The following PARP12 variants were observed in gnomAD, a reference collection of about 807,000 sequenced individuals.
PARP12 encodes the protein poly(ADP-ribose) polymerase family member 12.
A neutral mutation model predicts 72.4 loss-of-function variants in PARP12; 59 were observed. The observed-to-expected ratio is 0.81, with a 90% CI of 0.66 to 1.01. The LOEUF is 1.01. Among genes scored for constraint, PARP12 ranks in the 50% least tolerant of loss-of-function variants. The pLI is 0.00. For synonymous variants in PARP12, 403 were observed against 371.4 expected, an observed-to-expected ratio of 1.09 and a Z score of -0.98; for missense variants, 851 against 914.0, an observed-to-expected ratio of 0.93 and a Z score of 0.89.
In PARP12 at chr7:140,033,159, T is replaced by C. The variant is rs969260242; in HGVS notation, c.1421+1076A>G. The C allele has an allele frequency of 2.5e-5, 25 of 982,592 alleles. No individual in the cohort carries two copies. In the Admixed American group the frequency reaches 4.3e-4, roughly 17 times the overall value. 60.9% of individuals were successfully genotyped at this position (982,592 alleles called of 1,614,324 possible). ...CTACCCGCCTCGGCCTCTTGAACTG[T>C]TGGGATTACAGGTGTGAGTCACTGC... On this transcript the variant is annotated intron_variant, in intron 8 of 11. Transcript: ENST00000263549.
At chr7:140,054,505 CA>C (rs1817101747) in intron 4 of PARP12, among the ~76,000 whole-genome samples, 156 bp downstream of exon 4, 4 of 152,338 alleles carry the variant, frequency 2.6e-5, no homozygotes, top group Admixed American at 1.3e-4. Context: ...AACTCCCCAA[CA>C]AAATACCTTC....
intron 8 of PARP12, 122 bp downstream of exon 8, chr7:140,034,113 G>A: frequency 2.8e-6 from 4 of 1,404,934 alleles, no homozygotes; most frequent in Non-Finnish European, 9.4e-7. Flanking sequence ...CAGAGTGTGG[G>A]AGCACTTCGT....
intron 7 of PARP12, among the ~76,000 whole-genome samples, chr7:140,037,050 C>T (rs914095752): frequency 8.5e-5 from 13 of 152,298 alleles, no homozygotes; most frequent in African/African-American, 2.4e-4. Flanking sequence ...AGGCCAGGCG[C>T]GGTGGCTCAT....
At position 140,057,108 on chromosome 7, in the gene PARP12, C is replaced by T; in HGVS notation, c.508G>A (p.Ala170Thr). Reference sequence around the variant, plus strand: ...AGCTTGATGCACTGCTTTTGAAAGGCACAAGAGCCGTGGGGTCCATCTCCT... The same window carrying T: ...AGCTTGATGCACTGCTTTTGAAAGGTACAAGAGCCGTGGGGTCCATCTCCT... ...NKGDGPHGSC[A>T]FQKQCIKLHI... The change falls in exon 3 of 12, where the codon GCC (alanine) becomes ACC (threonine). Residue 170 changes from alanine to threonine, a missense_variant. Coordinates refer to ENST00000263549, the MANE Select transcript of PARP12 (RefSeq NM_022750.4). 6.2e-7 allele frequency: 1 copy of T among 1,614,098 alleles called. No homozygotes were observed. The highest frequency in any genetic ancestry group is 8.5e-7 in the Non-Finnish European group (1 of 1,180,016).
chr7:140,028,585 T>C, intron 9 of PARP12, 28 bp downstream of exon 9: 1 of 1,542,874 alleles, frequency 6.5e-7, no homozygotes, highest in Non-Finnish European at 8.8e-7. Flanking sequence ...CACCTTCCTG[T>C]CCAGCCCCAG....
chr7:140,034,128 C>T (rs1236280437), intron 8 of PARP12, 107 bp downstream of exon 8: 9 of 1,444,638 alleles, frequency 6.2e-6, no homozygotes, highest in East Asian at 2.8e-5. Flanking sequence ...CTTCGTTGTA[C>T]AAGCCAACGG....
intron 1 of PARP12, among the ~76,000 whole-genome samples, chr7:140,060,311 G>A (rs960523644): frequency 6.6e-6 from 1 of 152,174 alleles, no homozygotes; most frequent in Non-Finnish European, 1.5e-5. Context: ...AGAGGACTAA[G>A]AGTCAGGCAC....
intron 7 of PARP12, among the ~76,000 whole-genome samples, chr7:140,035,883 A>T (rs898710044): frequency 6.9e-6 from 1 of 145,520 alleles, no homozygotes; most frequent in Non-Finnish European, 1.5e-5. Flanking sequence ...GAGGAGGAGG[A>T]AGAGGAAGAG....
chr7:140,037,613 A>G, intron 7 of PARP12, 102 bp downstream of exon 7: 1 of 1,524,956 alleles, frequency 6.6e-7, no homozygotes, highest in Non-Finnish European at 8.9e-7. Flanking sequence ...TCCTGTACCC[A>G]CCCAGGCCCT....
At position 140,056,910 on chromosome 7, in the gene PARP12, T is replaced by C; in HGVS notation, c.706A>G (p.Lys236Glu). Reference protein sequence around the residue: ...IYRNAHDIKNKSSAPSRVPPL... With the variant: ...IYRNAHDIKNESSAPSRVPPL... ...GGCACTCTGCTGGGGGCAGAGCTCT[T>C]ATTCTTGATGTCATGTGCATTTCTA... The change falls in exon 3 of 12, where the codon AAG becomes GAG. Residue 236 changes from lysine (K) to glutamate (E), a missense_variant. By Grantham distance (56) the Lys-to-Glu change is moderately conservative. Transcript: ENST00000263549. The C allele has an allele frequency of 6.2e-7, 1 of 1,613,552 alleles. No individual in the cohort carries two copies. The highest frequency in any genetic ancestry group is 8.5e-7 in the Non-Finnish European group (1 of 1,179,998).
intron 4 of PARP12, among the ~76,000 whole-genome samples, chr7:140,052,732 T>TTTTG (rs1554515740): frequency 6.9e-6 from 1 of 145,706 alleles, no homozygotes; most frequent in Non-Finnish European, 1.5e-5. Flanking sequence ...AAGACCCCTT[T>TTTTG]TGTGTGTGTG....
chr7:140,041,476 A>C (rs1033290111), intron 6 of PARP12, 168 bp downstream of exon 6: 5 of 589,196 alleles, frequency 8.5e-6, no homozygotes, highest in Non-Finnish European at 1.5e-5. Flanking sequence ...ATAAATTCCA[A>C]CTTATCTAGT....
intron 6 of PARP12, among the ~76,000 whole-genome samples, chr7:140,039,305 C>G (rs1816356931): frequency 6.6e-6 from 1 of 152,176 alleles, no homozygotes; most frequent in East Asian, 1.9e-4. Context: ...GTCAGGGAAA[C>G]AGAGAGGAGA....
chr7:140,027,224 G>A, intron 10 of PARP12, 52 bp downstream of exon 10: 1 of 1,590,264 alleles, frequency 6.3e-7, no homozygotes, highest in East Asian at 2.3e-5. Context: ...CAACCAGCCA[G>A]TGGTGTGAAG....
chr7:140,030,356 G>T (rs1302430450), intron 8 of PARP12, among the ~76,000 whole-genome samples: 1 of 152,218 alleles, frequency 6.6e-6, no homozygotes. Context: ...CCAGCACTTT[G>T]GGAGGCCGAG....
rs149725114 is a variant in PARP12, at chr7:140,026,257, T to C, written c.1720A>G (p.Ile574Val). Residue 574 changes from isoleucine (I) to valine (V), a missense_variant, in exon 11 of 12, where the codon ATC (isoleucine) becomes GTC (valine). Transcript: ENST00000263549. ...HGTSAIFVDA[I>V]CQQNFDWRVC... ...CGCCAGTCAAAGTTCTGCTGGCAGA[T>C]GGCGTCCACAAAAATGGCGCTGGTG... The C allele has an allele frequency of 1.2e-5, 20 of 1,613,982 alleles. No individual in the cohort carries two copies. The highest frequency in any genetic ancestry group is 1.2e-4 in the African/African-American group (9 of 74,944).
At chr7:140,052,836 C>G (rs1376820799) in intron 4 of PARP12, among the ~76,000 whole-genome samples, 1 of 150,298 alleles carries the variant, frequency 6.7e-6, no homozygotes, top group Non-Finnish European at 1.5e-5. Context: ...TACAGATGCC[C>G]CAAAAGTACA....
intron 5 of PARP12, among the ~76,000 whole-genome samples, chr7:140,046,124 T>C (rs1316126121): frequency 1.3e-5 from 2 of 152,252 alleles, no homozygotes; most frequent in Non-Finnish European, 2.9e-5. Flanking sequence ...CTCTTCGCTG[T>C]GTGTAAATTT....
intron 6 of PARP12, chr7:140,038,353 C>T: frequency 1.1e-6 from 1 of 948,464 alleles, no homozygotes; most frequent in African/African-American, 1.8e-5. Flanking sequence ...CATTTCAATC[C>T]CTATCCTTCC....
Sources: allele counts gnomAD v4.1 joint callset (sites outside exome capture counted in the v4.1 genomes callset), GRCh38; gene constraint gnomAD v4.1.1; transcripts MANE v1.5; gene names NCBI Gene and HGNC (gene_info 2026-07-23, HGNC 2026-07-21).